Variants in KCNIP4 observed in about 807,000 individuals in gnomAD.
KCNIP4 encodes the protein potassium voltage-gated channel interacting protein 4, also known as Kv channel-interacting protein 4.
KCNIP4 carries 12 observed loss-of-function variants against 34.0 expected under a neutral mutation model. The observed-to-expected ratio is 0.35, with a 90% confidence interval of 0.23 to 0.57. The LOEUF (loss-of-function observed/expected upper bound fraction) is 0.57, where lower values mean the gene tolerates loss of function less well. KCNIP4 is among the 20% of genes least tolerant of loss of function. The probability of loss-of-function intolerance (pLI) is 0.83; values close to 1 mark genes in which losing one functional copy is unlikely to be tolerated. For missense variants in KCNIP4, 238 were observed against 311.7 expected, an observed-to-expected ratio of 0.76 and a Z score of 1.78; for synonymous variants, 124 against 102.2, an observed-to-expected ratio of 1.21 and a Z score of -1.29.
chr4:21,052,068 G>T (rs1051227500), intron 1 of KCNIP4, among the ~76,000 whole-genome samples: 14 of 152,074 alleles, frequency 9.2e-5, no homozygotes, highest in African/African-American at 2.9e-4. Context: ...TTCCATTTCT[G>T]CAATATTGTT....
intron 1 of KCNIP4, among the ~76,000 whole-genome samples, chr4:21,506,250 T>G (rs1446339367): frequency 1.3e-5 from 2 of 152,218 alleles, no homozygotes; most frequent in Non-Finnish European, 2.9e-5. Context: ...CAGTTCAGAA[T>G]GTAGATGTTG....
rs1238509780 is a variant in KCNIP4, at chr4:21,291,922, AG to A, written c.62-409214del. Among the ~76,000 whole-genome samples, 19 of 90,890 alleles carry A rather than the reference AG, an allele frequency of 2.1e-4. 1 individual carries two copies. The highest frequency in any genetic ancestry group is 4.3e-4 in the African/African-American group (6 of 13,960). 59.6% of individuals were successfully genotyped at this position (90,890 alleles called of 152,430 possible). A position where few individuals can be genotyped will look rare whatever the true frequency, so the allele number is the denominator to read the frequency against. On this transcript the variant is annotated intron_variant, in intron 1 of 8. Coordinates refer to ENST00000382152, the MANE Select transcript of KCNIP4 (RefSeq NM_025221.6). ...AAGAAAGAAAGAAAGAAAGAAAGAA[AG>A]AAAGAAAGAAAGAAAAAAAAAGAAA... is the stretch of plus-strand genomic sequence containing the variant.
intron 1 of KCNIP4, among the ~76,000 whole-genome samples, chr4:21,544,183 A>T (rs1737943939): frequency 1.3e-5 from 2 of 152,062 alleles, no homozygotes; most frequent in South Asian, 4.1e-4. Flanking sequence ...TCAGGCTGAC[A>T]TAGCATTGAA....
At chr4:21,585,847 A>G (rs1741571291) in intron 1 of KCNIP4, among the ~76,000 whole-genome samples, 1 of 152,058 alleles carries the variant, frequency 6.6e-6, no homozygotes, top group Admixed American at 6.6e-5. Flanking sequence ...ATTAAGAAAT[A>G]TGTATGATGT....
chr4:21,626,384 TTTTTG>T (rs1745322199), intron 1 of KCNIP4, among the ~76,000 whole-genome samples: 2 of 136,464 alleles, frequency 1.5e-5, no homozygotes. Flanking sequence ...GAGCTTGTTT[TTTTTG>T]TTTTTTTTTC....
chr4:20,797,775 A>G (rs1713675188), intron 3 of KCNIP4, among the ~76,000 whole-genome samples: 1 of 152,192 alleles, frequency 6.6e-6, no homozygotes, highest in Non-Finnish European at 1.5e-5. Context: ...GGGAATTAGG[A>G]AACTCAGTAA....
chr4:21,069,053 T>C (rs1050906563), intron 1 of KCNIP4, among the ~76,000 whole-genome samples: 1 of 152,202 alleles, frequency 6.6e-6, no homozygotes, highest in Admixed American at 6.5e-5. Context: ...ATAAAAATGT[T>C]ACTTTCTTCT....
intron 1 of KCNIP4, among the ~76,000 whole-genome samples, chr4:21,671,695 G>A (rs1179729290): frequency 1.3e-5 from 2 of 152,170 alleles, no homozygotes; most frequent in African/African-American, 4.8e-5. Context: ...AGACTCAGGG[G>A]TATTAGGATG....
At chr4:21,558,441 G>A (rs962565222) in intron 1 of KCNIP4, among the ~76,000 whole-genome samples, 1 of 151,638 alleles carries the variant, frequency 6.6e-6, no homozygotes, top group Non-Finnish European at 1.5e-5. Context: ...ACAGTGAGCT[G>A]AGCTCACGCC....
At chr4:21,118,819 C>T (rs1749904568) in intron 1 of KCNIP4, among the ~76,000 whole-genome samples, 1 of 152,080 alleles carries the variant, frequency 6.6e-6, no homozygotes, top group South Asian at 2.1e-4. Flanking sequence ...GGAATGGCAC[C>T]TGCATCAAAT....
At chr4:21,903,306 G>C (rs1727809504) in intron 1 of KCNIP4, among the ~76,000 whole-genome samples, 2 of 151,994 alleles carry the variant, frequency 1.3e-5, no homozygotes, top group Non-Finnish European at 2.9e-5. Flanking sequence ...TCTTTGAATA[G>C]ACCAGGAATA....
At position 20,860,284 on chromosome 4, in the gene KCNIP4, A is replaced by G. The variant is rs186441093; in HGVS notation, c.164-9617T>C. On this transcript the variant is annotated intron_variant, in intron 2 of 8. Transcript: ENST00000382152. ...CCTTCCAAGTAGCTGGAATTACAGG[A>G]ACGCCCCACCACACCTGGCTAATTT... 7.6e-3 allele frequency among the ~76,000 whole-genome samples: 1,155 copies of G among 152,026 alleles called. 19 individuals carry two copies. Among genetic ancestry groups the G allele is most frequent in the South Asian group, 0.017 (82 of 4,812 alleles).
At chr4:21,080,177 T>C (rs1317896345) in intron 1 of KCNIP4, among the ~76,000 whole-genome samples, 4 of 151,770 alleles carry the variant, frequency 2.6e-5, no homozygotes, top group African/African-American at 9.7e-5. Flanking sequence ...ATCAGGCTCC[T>C]CCACCTCTCC....
At chr4:21,787,675 G>T (rs1243662778) in intron 1 of KCNIP4, among the ~76,000 whole-genome samples, 2 of 152,254 alleles carry the variant, frequency 1.3e-5, no homozygotes, top group African/African-American at 4.8e-5. Flanking sequence ...TCACTGATTT[G>T]CTTGCCTTCC....
chr4:21,224,384 G>A (rs2109006426), intron 1 of KCNIP4, among the ~76,000 whole-genome samples: 1 of 151,576 alleles, frequency 6.6e-6, no homozygotes, highest in East Asian at 2.0e-4. Context: ...ATCCCATCCT[G>A]AGGGCCCCAC....
intron 1 of KCNIP4, among the ~76,000 whole-genome samples, chr4:21,494,235 T>A (rs1577459950): frequency 6.6e-6 from 1 of 152,160 alleles, no homozygotes; most frequent in East Asian, 1.9e-4. Flanking sequence ...TCACATTTAA[T>A]CAGCATGAGT....
At chr4:20,757,066 T>G (rs1754537248) in intron 4 of KCNIP4, among the ~76,000 whole-genome samples, 1 of 152,126 alleles carries the variant, frequency 6.6e-6, no homozygotes, top group African/African-American at 2.4e-5. Context: ...ACCTCAGATG[T>G]AATTTGTCCA....
intron 1 of KCNIP4, among the ~76,000 whole-genome samples, chr4:21,361,982 G>A (rs1448411277): frequency 6.6e-6 from 1 of 151,900 alleles, no homozygotes; most frequent in Non-Finnish European, 1.5e-5. Context: ...AACTCACTTA[G>A]CAAAACCCCA....
At chr4:21,229,402 A>T (rs1183075633) in intron 1 of KCNIP4, among the ~76,000 whole-genome samples, 3 of 152,182 alleles carry the variant, frequency 2.0e-5, no homozygotes, top group Non-Finnish European at 4.4e-5. Flanking sequence ...CTTATCATCC[A>T]TGTAGGCTCT....
Sources: allele counts gnomAD v4.1 joint callset (sites outside exome capture counted in the v4.1 genomes callset), GRCh38; gene constraint gnomAD v4.1.1; transcripts MANE v1.5; gene names NCBI Gene and HGNC (gene_info 2026-07-23, HGNC 2026-07-21).